The following ABHD2 variants were observed in gnomAD, a reference collection of about 807,000 sequenced individuals.
The protein encoded by ABHD2 is abhydrolase domain containing 2, acylglycerol lipase.
Under a neutral mutation model 48.1 loss-of-function variants are expected in ABHD2, and 20 were observed. The ratio of observed to expected loss-of-function variants is 0.42; its 90% CI spans 0.29 to 0.60. The LOEUF is 0.60. Ranked by LOEUF, ABHD2 falls within the 20% of genes least tolerant of loss-of-function variation. ABHD2 has a pLI of 0.24. For missense variants in ABHD2, 405 were observed against 550.9 expected (o/e 0.74, Z 2.65); for synonymous variants, 209 against 214.2 (o/e 0.98, Z 0.21).
At chr15:89,074,147 G>A in the ABHD2 span, among the ~76,000 whole-genome samples, 1,436 of 152,242 alleles carry the variant, frequency 9.4e-3, 16 homozygotes, top group Non-Finnish European at 0.012. Context: ...GCCGAGGTAG[G>A]TGGATCACCT....
chr15:89,153,482 A>G (rs900837395), intron 4 of ABHD2, among the ~76,000 whole-genome samples: 1 of 152,198 alleles, frequency 6.6e-6, no homozygotes, highest in African/African-American at 2.4e-5. Flanking sequence ...ACTAAAGCAC[A>G]AAGTTTAGTT....
chr15:89,093,581 T>A (rs1901687564), intron 1 of ABHD2: 1 of 152,458 alleles, frequency 6.6e-6, no homozygotes, highest in South Asian at 2.1e-4. Context: ...TCACAGCACT[T>A]TCTGTTTGGG....
At chr15:89,067,038 G>C in the ABHD2 span, among the ~76,000 whole-genome samples, 1 of 152,326 alleles carries the variant, frequency 6.6e-6, no homozygotes, top group South Asian at 2.1e-4. Context: ...TGAGGAAGGA[G>C]ATGTGAATTG....
rs1404252678 is a variant in ABHD2 at position 89,098,204 on chromosome 15, A to G, written c.-107+9641A>G. On this transcript the variant is annotated intron_variant, in intron 1 of 10. Transcript: ENST00000352732. ...CAAATTTTAGCAAATTTCTACATAT[A>G]TTGTTTGGCATCCTATTACTTTTTC... is the stretch of plus-strand genomic sequence containing the variant. Among the ~76,000 whole-genome samples, 3 of 152,096 alleles carry G rather than the reference A, an allele frequency of 2.0e-5. No homozygotes were observed. The East Asian group carries it at 5.8e-4, about 29-fold the overall frequency.
At chr15:89,071,756 A>G in the ABHD2 span, among the ~76,000 whole-genome samples, 2 of 152,326 alleles carry the variant, frequency 1.3e-5, no homozygotes, top group South Asian at 4.1e-4. Flanking sequence ...CGTCTGCCAT[A>G]CAGGGTCATT....
chr15:89,178,471 T>G (rs1256853634), intron 6 of ABHD2, among the ~76,000 whole-genome samples: 1 of 152,216 alleles, frequency 6.6e-6, no homozygotes, highest in Non-Finnish European at 1.5e-5. Flanking sequence ...CGAGAGTTCA[T>G]GCGTCTGGTA....
the ABHD2 span, among the ~76,000 whole-genome samples, chr15:89,056,372 C>T: frequency 6.6e-6 from 1 of 152,144 alleles, no homozygotes; most frequent in Non-Finnish European, 1.5e-5. Flanking sequence ...GAAAGAACAC[C>T]ATGCCCCAGT....
At position 89,091,958 on chromosome 15, in the gene ABHD2, T is replaced by C. The variant is rs1901613059; in HGVS notation, c.-107+3395T>C. 6.6e-6 allele frequency among the ~76,000 whole-genome samples: 1 copy of C among 152,260 alleles called. No individual in the cohort carries two copies. Among genetic ancestry groups the C allele is most frequent in the Non-Finnish European group, 1.5e-5 (1 of 68,040 alleles). The stretch of plus-strand genomic sequence containing the variant: ...GTCAGGATTTTATAGCAGCTTTTCA[T>C]GGTTCAGCCTTTTTGGCCAGTGCAT... On this transcript the variant is annotated intron_variant, in intron 1 of 10. Coordinates refer to ENST00000352732, the MANE Select transcript of ABHD2 (RefSeq NM_152924.5). This position sits in a 1 kb window ranked among gnomAD's most constrained non-coding sequence, Gnocchi z 5.5.
chr15:89,048,819 T>G, the ABHD2 span, among the ~76,000 whole-genome samples: 1 of 151,800 alleles, frequency 6.6e-6, no homozygotes, highest in Non-Finnish European at 1.5e-5. Flanking sequence ...TTCAAAGTTT[T>G]CAACTTCCTT....
chr15:89,150,821 C>A (rs1430527545), intron 3 of ABHD2, among the ~76,000 whole-genome samples: 1 of 152,204 alleles, frequency 6.6e-6, no homozygotes, highest in Non-Finnish European at 1.5e-5. Flanking sequence ...CCTGGACAAC[C>A]ATCAAGCTTG....
At chr15:89,066,329 G>A in the ABHD2 span, among the ~76,000 whole-genome samples, 1 of 152,080 alleles carries the variant, frequency 6.6e-6, no homozygotes, top group Non-Finnish European at 1.5e-5. Context: ...TAGTGGTATT[G>A]GTTTGTAGAT....
At chr15:89,083,554 G>A (rs1417935179), upstream of ABHD2, among the ~76,000 whole-genome samples, 2 of 152,168 alleles carry the variant, frequency 1.3e-5, no homozygotes, top group African/African-American at 4.8e-5. This position sits in a 1 kb window ranked among gnomAD's most constrained non-coding sequence, Gnocchi z 5.1. Flanking sequence ...ATATATGTAA[G>A]TATAAATATT....
the ABHD2 span, among the ~76,000 whole-genome samples, chr15:89,067,932 G>A: frequency 6.6e-6 from 1 of 152,140 alleles, no homozygotes; most frequent in Non-Finnish European, 1.5e-5. Flanking sequence ...ATAAACCAGT[G>A]AATGATCACA....
the ABHD2 span, among the ~76,000 whole-genome samples, chr15:89,045,970 G>A: frequency 6.6e-6 from 1 of 152,196 alleles, no homozygotes; most frequent in Non-Finnish European, 1.5e-5. Flanking sequence ...TCCCTGTCTT[G>A]TGCCAGTTTT....
upstream of ABHD2, among the ~76,000 whole-genome samples, chr15:89,083,581 A>G (rs952770070): frequency 2.0e-5 from 3 of 152,332 alleles, no homozygotes; most frequent in Non-Finnish European, 4.4e-5. The surrounding 1 kb of genome is among the most constrained non-coding windows in gnomAD (Gnocchi z 5.1). Context: ...AAATTTATCA[A>G]CCAAATTGGG....
chr15:89,184,653 T>A lies in ABHD2; in HGVS notation c.723-771T>A, dbSNP rs2051175330. On this transcript the variant is annotated intron_variant, in intron 6 of 10. Coordinates refer to ENST00000352732, the MANE Select transcript of ABHD2 (RefSeq NM_152924.5). The surrounding 1 kb of genome is among the most constrained non-coding windows in gnomAD (Gnocchi z 5.1). ...GGAAGCACATGGCCAGGGCTGGTGGTGCTGTCTCCTCCCTCTGCATGTGCT... is the reference window on the plus strand; with the variant it reads ...GGAAGCACATGGCCAGGGCTGGTGGAGCTGTCTCCTCCCTCTGCATGTGCT... Among the ~76,000 whole-genome samples, 1 of 152,170 alleles carries A rather than the reference T, an allele frequency of 6.6e-6. No homozygotes were observed. The highest frequency in any genetic ancestry group is 1.5e-5 in the Non-Finnish European group (1 of 68,032).
At chr15:89,149,188 A>G (rs1313664183) in intron 3 of ABHD2, among the ~76,000 whole-genome samples, 1 of 150,946 alleles carries the variant, frequency 6.6e-6, no homozygotes, top group Non-Finnish European at 1.5e-5. Flanking sequence ...AGAAAGTCCC[A>G]AGTGATTGTG....
At chr15:89,042,245 A>G in the ABHD2 span, among the ~76,000 whole-genome samples, 1 of 152,154 alleles carries the variant, frequency 6.6e-6, no homozygotes, top group Non-Finnish European at 1.5e-5. Flanking sequence ...GGCAGCCTGG[A>G]TCCAGAGCCT....
At chr15:89,138,860 T>C (rs1271827497) in intron 3 of ABHD2, among the ~76,000 whole-genome samples, 15 of 130,760 alleles carry the variant, frequency 1.1e-4, no homozygotes, top group Admixed American at 8.1e-4. Flanking sequence ...CTAGCTTTTT[T>C]TTTTTCTTTT....
Sources: gnomAD v4.1 joint callset for allele counts (sites outside exome capture counted in the v4.1 genomes callset) on GRCh38, gnomAD v4.1.1 for gene constraint, Gnocchi (gnomAD v3.1) non-coding constraint, MANE v1.5 for transcripts, NCBI Gene and HGNC (gene_info 2026-07-23, HGNC 2026-07-21) for gene names.